Variants in LAMP3 observed in about 807,000 individuals in gnomAD.
LAMP3 encodes lysosome-associated membrane glycoprotein 3.
LAMP3 carries 26 observed loss-of-function variants against 34.8 expected under a neutral mutation model. That is an observed-to-expected ratio of 0.75 (90% CI 0.55 to 1.04). The LOEUF (loss-of-function observed/expected upper bound fraction) is 1.04, where lower values mean the gene tolerates loss of function less well. Among genes scored for constraint, LAMP3 ranks in the 50% least tolerant of loss-of-function variants. The pLI, the probability that LAMP3 is intolerant of heterozygous loss-of-function variation, is 0.00. For missense variants in LAMP3, 495 were observed against 524.0 expected (o/e 0.94, Z 0.54); for synonymous variants, 180 against 201.9 (o/e 0.89, Z 0.92).
intron 5 of LAMP3, 53 bp downstream of exon 5, chr3:183,135,664 T>C (rs1165864450): frequency 1.3e-6 from 2 of 1,505,468 alleles, no homozygotes; most frequent in African/African-American, 2.8e-5. Context: ...ACTTTGGATC[T>C]ACCCTGGGGT....
At chr3:183,153,608 T>C in intron 2 of LAMP3, 74 bp downstream of exon 2, 1 of 983,348 alleles carries the variant, frequency 1.0e-6, no homozygotes, top group Non-Finnish European at 1.5e-6. Flanking sequence ...ATGTGGGGAA[T>C]GCTCATTCCT....
chr3:183,155,307 C>T (rs1720792753), intron 1 of LAMP3, among the ~76,000 whole-genome samples: 1 of 152,244 alleles, frequency 6.6e-6, no homozygotes, highest in African/African-American at 2.4e-5. Flanking sequence ...AGACTCATCT[C>T]TTCACAATAC....
At chr3:183,133,698 G>A (rs1719994975) in intron 5 of LAMP3, among the ~76,000 whole-genome samples, 1 of 152,072 alleles carries the variant, frequency 6.6e-6, no homozygotes. Flanking sequence ...ATAGCTTGGG[G>A]CTCCTAAATC....
chr3:183,134,994 T>C (rs1285528782), intron 5 of LAMP3, among the ~76,000 whole-genome samples: 2 of 152,228 alleles, frequency 1.3e-5, no homozygotes, highest in East Asian at 3.8e-4. Flanking sequence ...CTCCTGGTCA[T>C]AGGCAGAAAT....
At chr3:183,150,215 T>A (rs1304562558) in intron 3 of LAMP3, among the ~76,000 whole-genome samples, 4 of 151,892 alleles carry the variant, frequency 2.6e-5, no homozygotes, top group African/African-American at 9.7e-5. Flanking sequence ...GAGGAAGAGG[T>A]AATTTGGGAG....
chr3:183,152,374 C>G lies in LAMP3; in HGVS notation c.888+1G>C. On this transcript the variant is annotated splice_donor_variant, in intron 3 of 5. Transcript: ENST00000265598. LOFTEE classifies it high-confidence loss of function. The stretch of plus-strand genomic sequence containing the variant: ...TTTGTGCAAAGGAGCTCAGGCCTCA[C>G]CTTGGTAAATGTGAGATTCACAAAT... 1 of 1,607,416 alleles carries G rather than the reference C, an allele frequency of 6.2e-7. No individual in the cohort carries two copies.
intron 4 of LAMP3, among the ~76,000 whole-genome samples, chr3:183,136,442 G>A (rs1177392576): frequency 1.3e-5 from 2 of 151,420 alleles, no homozygotes; most frequent in Admixed American, 6.6e-5. Context: ...ACCTGAGGTC[G>A]GGAGTTCGAG....
intron 5 of LAMP3, among the ~76,000 whole-genome samples, chr3:183,127,417 G>A (rs1185682262): frequency 6.6e-6 from 1 of 152,062 alleles, no homozygotes; most frequent in African/African-American, 2.4e-5. Flanking sequence ...GTGAGACACT[G>A]TGCCCAGACA....
intron 3 of LAMP3, among the ~76,000 whole-genome samples, chr3:183,145,237 T>G (rs1040231563): frequency 6.6e-6 from 1 of 152,090 alleles, no homozygotes; most frequent in Non-Finnish European, 1.5e-5. Flanking sequence ...AATGAGACAC[T>G]GACAGGGAAA....
chr3:183,147,738 G>A (rs911377515), intron 3 of LAMP3, among the ~76,000 whole-genome samples: 1 of 151,944 alleles, frequency 6.6e-6, no homozygotes, highest in Non-Finnish European at 1.5e-5. Flanking sequence ...TTTTAGAAAC[G>A]GAGTCTCACT....
chr3:183,134,406 C>T (rs1021572167), intron 5 of LAMP3, among the ~76,000 whole-genome samples: 1 of 152,184 alleles, frequency 6.6e-6, no homozygotes, highest in Admixed American at 6.5e-5. Context: ...TATTTCCTAC[C>T]TCTGCCACTA....
chr3:183,155,279 A>G (rs1287538707), intron 1 of LAMP3, among the ~76,000 whole-genome samples: 1 of 152,148 alleles, frequency 6.6e-6, no homozygotes, highest in Non-Finnish European at 1.5e-5. Context: ...TCTAGACTTA[A>G]CTGTTCCCAA....
chr3:183,161,635 G>A lies in LAMP3; in HGVS notation c.49+972C>T, dbSNP rs996987308. On this transcript the variant is annotated intron_variant, in intron 1 of 5. Transcript: ENST00000265598. ...AACTCCTGACCTCAAGTGATCCGCC[G>A]GCCTCAGCCTCCCAAAGTGCTGGGA... Among the ~76,000 whole-genome samples, 9 of 152,064 alleles carry A rather than the reference G, an allele frequency of 5.9e-5. No individual in the cohort carries two copies. In the South Asian group the frequency reaches 8.3e-4, roughly 14 times the overall value.
chr3:183,144,975 A>G (rs562295782), intron 3 of LAMP3, among the ~76,000 whole-genome samples: 1 of 152,318 alleles, frequency 6.6e-6, no homozygotes, highest in African/African-American at 2.4e-5. Flanking sequence ...TCAGTCGGCC[A>G]GTGCACTGCC....
intron 1 of LAMP3, among the ~76,000 whole-genome samples, chr3:183,155,569 C>T (rs2108613426): frequency 6.6e-6 from 1 of 152,334 alleles, no homozygotes; most frequent in East Asian, 1.9e-4. Context: ...GTGTTAAATT[C>T]ATTGCTTTCA....
intron 1 of LAMP3, chr3:183,158,140 G>C (rs1720874470): frequency 6.6e-6 from 1 of 152,210 alleles, no homozygotes; most frequent in African/African-American, 2.4e-5. Context: ...TCCCTGTGTG[G>C]GGTATAAAAG....
At chr3:183,129,581 C>T (rs1290166982) in intron 5 of LAMP3, among the ~76,000 whole-genome samples, 2 of 152,078 alleles carry the variant, frequency 1.3e-5, no homozygotes, top group Non-Finnish European at 2.9e-5. Context: ...ATACATTATG[C>T]AGTGTATTGC....
intron 5 of LAMP3, among the ~76,000 whole-genome samples, chr3:183,126,621 TTAAA>T (rs1719787523): frequency 6.6e-6 from 1 of 152,040 alleles, no homozygotes; most frequent in African/African-American, 2.4e-5. Flanking sequence ...TCACTCTATT[TTAAA>T]TAGTCTATTC....
chr3:183,123,524 ACTC>A lies in LAMP3; in HGVS notation c.*554_*556del, dbSNP rs1719716120. On this transcript the variant is annotated 3_prime_UTR_variant, in exon 6 of 6. Transcript: ENST00000265598. ...CCATAAGCCGAGATCGTGCCACTGT[ACTC>A]CAGCCTGGGTGACAAGAGTGAAACT... 6.5e-6 allele frequency: 1 copy of A among 153,576 alleles called. No homozygotes were observed. The highest frequency in any genetic ancestry group is 2.0e-4 in the South Asian group (1 of 4,936). 9.5% of individuals were successfully genotyped at this position (153,576 alleles called of 1,614,324 possible).
Sources: allele counts gnomAD v4.1 joint callset (sites outside exome capture counted in the v4.1 genomes callset), GRCh38; gene constraint gnomAD v4.1.1; transcripts MANE v1.5; gene names NCBI Gene and HGNC (gene_info 2026-07-23, HGNC 2026-07-21).